Variants in COP1 observed in about 807,000 individuals in gnomAD.
COP1 encodes the protein COP1 E3 ubiquitin ligase.
Under a neutral mutation model 101.3 loss-of-function variants are expected in COP1, and 24 were observed. The observed-to-expected ratio is 0.24, with a 90% CI of 0.17 to 0.33. COP1 has a LOEUF of 0.33. Ranked by LOEUF, COP1 falls within the 10% of genes least tolerant of loss-of-function variation. COP1 has a pLI of 1.00. For synonymous variants in COP1, 347 were observed against 341.9 expected (o/e 1.01, Z -0.17); for missense variants, 663 against 906.2 (o/e 0.73, Z 3.45).
At chr1:176,088,484 T>C (rs2149439024) in intron 9 of COP1, among the ~76,000 whole-genome samples, 1 of 152,310 alleles carries the variant, frequency 6.6e-6, no homozygotes, top group South Asian at 2.1e-4. Context: ...TTCATCTCGG[T>C]ATTGTGGGAT....
chr1:176,079,142 C>T (rs926518918), intron 11 of COP1, among the ~76,000 whole-genome samples: 4 of 151,940 alleles, frequency 2.6e-5, no homozygotes, highest in African/African-American at 4.8e-5. Flanking sequence ...AGTAGGTATA[C>T]GCACAAAAGA....
At chr1:176,162,682 T>C (rs541646478) in intron 5 of COP1, among the ~76,000 whole-genome samples, 187 bp downstream of exon 5, 1 of 152,342 alleles carries the variant, frequency 6.6e-6, no homozygotes, top group South Asian at 2.1e-4. Context: ...AGTTATAATG[T>C]ATTGAAATTG....
intron 11 of COP1, among the ~76,000 whole-genome samples, chr1:176,051,619 G>A (rs1308272297): frequency 6.6e-6 from 1 of 152,104 alleles, no homozygotes; most frequent in Non-Finnish European, 1.5e-5. Flanking sequence ...GCCGCAGGCA[G>A]GTCCTTCAGG....
chr1:176,011,950 G>A (rs924048608), intron 15 of COP1, among the ~76,000 whole-genome samples: 1 of 152,018 alleles, frequency 6.6e-6, no homozygotes, highest in African/African-American at 2.4e-5. Flanking sequence ...TGTGTTACTG[G>A]CTTATGTATT....
intron 19 of COP1, among the ~76,000 whole-genome samples, chr1:175,945,692 G>C (rs1432396347): frequency 6.6e-6 from 1 of 152,162 alleles, no homozygotes; most frequent in East Asian, 1.9e-4. Context: ...TCATAAAAAA[G>C]TAAGTTGTGA....
rs182624211 is a variant in COP1, at chr1:176,177,381, A to G, written c.468-1374T>C. ...AAAAAAGAAAAAAGAAAAAAATGTT[A>G]TTATACATACTGCTGAATAAAAATG... On this transcript the variant is annotated intron_variant, in intron 2 of 19. Transcript: ENST00000367669. 3.3e-5 allele frequency among the ~76,000 whole-genome samples: 5 copies of G among 151,926 alleles called. No homozygotes were observed. The East Asian group carries it at 7.7e-4, about 23-fold the overall frequency.
At chr1:176,025,592 T>C (rs535719361) in intron 15 of COP1, among the ~76,000 whole-genome samples, 19 of 152,034 alleles carry the variant, frequency 1.2e-4, no homozygotes, top group African/African-American at 4.1e-4. Context: ...TGAAATCTCA[T>C]TGAAAGACAG....
intron 1 of COP1, among the ~76,000 whole-genome samples, chr1:176,185,115 G>A (rs2102045798): frequency 6.6e-6 from 1 of 152,130 alleles, no homozygotes; most frequent in East Asian, 1.9e-4. Flanking sequence ...TTCCTTGAGT[G>A]ATAAATTTAT....
Position 175,987,087 on chromosome 1 carries a change from A to T in COP1, c.1989T>A (p.Ser663=), listed in dbSNP as rs777143688. The T allele has an allele frequency of 2.0e-6, 3 of 1,507,406 alleles. No individual in the cohort carries two copies. The highest frequency in any genetic ancestry group is 2.7e-6 in the Non-Finnish European group (3 of 1,109,844). The allele number at this position is 1,507,406 out of a possible 1,614,324, so 93.4% of individuals were successfully genotyped here. Residue 663 remains serine, a synonymous_variant, in exon 18 of 20, where the codon TCT becomes TCA. Coordinates refer to ENST00000367669, the MANE Select transcript of COP1 (RefSeq NM_022457.7). ...AAAGTCCTTTATAGTACAGGTAGAG[A>T]GAGTTATTTTCACTTCCTGAAAACA... ...DYIACGSENN[S]LYLYYKGLSK...
At chr1:176,175,357 T>C (rs946576210) in intron 3 of COP1, among the ~76,000 whole-genome samples, 2 of 152,128 alleles carry the variant, frequency 1.3e-5, no homozygotes, top group African/African-American at 4.8e-5. Context: ...TCCCCAACCT[T>C]TTTGGGACCA....
intron 9 of COP1, among the ~76,000 whole-genome samples, chr1:176,115,453 G>C (rs769949152): frequency 2.7e-5 from 4 of 148,442 alleles, no homozygotes; most frequent in South Asian, 4.3e-4. Context: ...GTCTCAAAAA[G>C]AAAAATAAAA....
In COP1 at chr1:176,010,333, A is replaced by G. The variant is rs75865782; in HGVS notation, c.1729+17239T>C. On this transcript the variant is annotated intron_variant, in intron 15 of 19. Coordinates refer to ENST00000367669, the MANE Select transcript of COP1 (RefSeq NM_022457.7). Reference sequence around the variant, plus strand: ...GAAAATTAATATTGATATAATATACAATGCATCCTATATTCAGATATCTCC... The same window carrying G: ...GAAAATTAATATTGATATAATATACGATGCATCCTATATTCAGATATCTCC... 7.7e-3 allele frequency among the ~76,000 whole-genome samples: 1,174 copies of G among 152,308 alleles called. 16 individuals are homozygous for G. The highest frequency in any genetic ancestry group is 0.026 in the African/African-American group (1,089 of 41,556).
At chr1:176,133,131 C>G (rs1330848763) in intron 8 of COP1, among the ~76,000 whole-genome samples, 2 of 148,312 alleles carry the variant, frequency 1.3e-5, no homozygotes, top group East Asian at 4.0e-4. Flanking sequence ...TATATATACC[C>G]ATACACATAC....
Position 175,992,303 on chromosome 1 carries a change from C to A in COP1, c.1730-2824G>T, listed in dbSNP as rs1487284608. On this transcript the variant is annotated intron_variant, in intron 15 of 19. Transcript: ENST00000367669. ...AAATAGGAACAGCTCCAGTCTACAG[C>A]TCCCAGAGTGAGCGACGCAGAAGAC... 2.0e-5 allele frequency among the ~76,000 whole-genome samples: 3 copies of A among 152,216 alleles called. No homozygotes were observed. The East Asian group carries it at 5.8e-4, about 29-fold the overall frequency.
At chr1:176,144,323 CTAAAGT>C (rs1691234095) in intron 6 of COP1, among the ~76,000 whole-genome samples, 2 of 152,028 alleles carry the variant, frequency 1.3e-5, no homozygotes, top group Admixed American at 6.6e-5. Context: ...TAATAAGAAA[CTAAAGT>C]TAGAGACACA....
At chr1:175,977,474 C>T (rs1654853726) in intron 18 of COP1, among the ~76,000 whole-genome samples, 1 of 152,022 alleles carries the variant, frequency 6.6e-6, no homozygotes, top group African/African-American at 2.4e-5. Flanking sequence ...CAGTAATAAC[C>T]TTTTTATTTT....
intron 11 of COP1, among the ~76,000 whole-genome samples, chr1:176,050,853 T>C (rs1040200077): frequency 6.6e-6 from 1 of 152,204 alleles, no homozygotes; most frequent in South Asian, 2.1e-4. Flanking sequence ...CACCAGATAA[T>C]TCAAATTTAA....
At chr1:176,151,315 G>T (rs560616506) in intron 5 of COP1, among the ~76,000 whole-genome samples, 7 of 134,606 alleles carry the variant, frequency 5.2e-5, no homozygotes, top group South Asian at 4.9e-4. Flanking sequence ...AGGAGAGAAA[G>T]AAAGAAGGAA....
rs71129555 is a variant in COP1 at position 176,127,561 on chromosome 1, C to CTGTGTGTGTGTGTGTGTGTGTG, written c.968+7427_968+7448dup. On this transcript the variant is annotated intron_variant, in intron 8 of 19. Coordinates refer to ENST00000367669, the MANE Select transcript of COP1 (RefSeq NM_022457.7). ...CTTTTTAAGGTGGAATAGTATTCTA[C>CTGTGTGTGTGTGTGTGTGTGTG]TGTGTGTGTGTGTGTGTGTGTGTGT... Among the ~76,000 whole-genome samples, 9 of 148,264 alleles carry CTGTGTGTGTGTGTGTGTGTGTG rather than the reference C, an allele frequency of 6.1e-5. No individual in the cohort carries two copies. In the South Asian group the frequency reaches 8.5e-4, roughly 14 times the overall value.
Sources: allele counts gnomAD v4.1 joint callset (sites outside exome capture counted in the v4.1 genomes callset), GRCh38; gene constraint gnomAD v4.1.1; transcripts MANE v1.5; gene names NCBI Gene and HGNC (gene_info 2026-07-23, HGNC 2026-07-21).